The following PKNOX2 variants were observed in gnomAD, a reference collection of about 807,000 sequenced individuals.
PKNOX2 encodes the protein PBX/knotted 1 homeobox 2.
Under a neutral mutation model 53.1 loss-of-function variants are expected in PKNOX2, and 14 were observed. That is an observed-to-expected ratio of 0.26 (90% CI 0.17 to 0.41). The LOEUF (loss-of-function observed/expected upper bound fraction) is 0.41, where lower values mean the gene tolerates loss of function less well. Ranked by LOEUF, PKNOX2 falls within the 10% of genes least tolerant of loss-of-function variation. The pLI is 1.00. For synonymous variants in PKNOX2, 257 were observed against 242.8 expected, an observed-to-expected ratio of 1.06 and a Z score of -0.54; for missense variants, 496 against 602.8, an observed-to-expected ratio of 0.82 and a Z score of 1.85.
At chr11:125,341,304 C>T (rs554575307) in intron 3 of PKNOX2, among the ~76,000 whole-genome samples, 3 of 150,346 alleles carry the variant, frequency 2.0e-5, no homozygotes. Context: ...TGCAGTAAGC[C>T]GAGATCGTGC....
chr11:125,264,495 C>G (rs139238904), intron 2 of PKNOX2, among the ~76,000 whole-genome samples: 3 of 152,134 alleles, frequency 2.0e-5, no homozygotes, highest in Non-Finnish European at 4.4e-5. Flanking sequence ...CAGGACTGGA[C>G]GTTAGGGCTG....
chr11:125,329,058 T>C (rs74623053), intron 2 of PKNOX2, among the ~76,000 whole-genome samples: 6,257 of 152,292 alleles, frequency 0.041, 423 homozygotes, highest in African/African-American at 0.14. Flanking sequence ...AGAATAGTCA[T>C]TATGTGTTTA....
chr11:125,333,378 G>A (rs115140138), intron 3 of PKNOX2, among the ~76,000 whole-genome samples: 1 of 152,316 alleles, frequency 6.6e-6, no homozygotes, highest in African/African-American at 2.4e-5. Flanking sequence ...GAATGGAGGT[G>A]TTCCTGCCAT....
At chr11:125,314,867 A>G (rs1466135290) in intron 2 of PKNOX2, among the ~76,000 whole-genome samples, 1 of 152,140 alleles carries the variant, frequency 6.6e-6, no homozygotes, top group Admixed American at 6.5e-5. Context: ...TTAAGGGAAA[A>G]GGAGACTATT....
chr11:125,246,838 G>T (rs1943605523), intron 2 of PKNOX2, among the ~76,000 whole-genome samples: 1 of 152,100 alleles, frequency 6.6e-6, no homozygotes, highest in African/African-American at 2.4e-5. Flanking sequence ...GGGAGGCTGT[G>T]GAGATGAGGA....
At chr11:125,265,768 T>C (rs910706415) in intron 2 of PKNOX2, among the ~76,000 whole-genome samples, 5 of 152,138 alleles carry the variant, frequency 3.3e-5, no homozygotes, top group African/African-American at 1.2e-4. Context: ...GTAAGGGCTC[T>C]AGAGCAAGGA....
intron 2 of PKNOX2, among the ~76,000 whole-genome samples, chr11:125,241,592 C>T (rs962935071): frequency 6.6e-6 from 1 of 152,224 alleles, no homozygotes; most frequent in Admixed American, 6.5e-5. Flanking sequence ...CGCGGTGGCT[C>T]ACGCCTGTAA....
intron 2 of PKNOX2, among the ~76,000 whole-genome samples, chr11:125,242,377 T>C (rs2135607701): frequency 6.6e-6 from 1 of 152,304 alleles, no homozygotes; most frequent in South Asian, 2.1e-4. Flanking sequence ...CCATCCATCC[T>C]TACTGGAAGC....
intron 1 of PKNOX2, among the ~76,000 whole-genome samples, chr11:125,194,455 GT>G (rs1957065516): frequency 6.6e-6 from 1 of 152,090 alleles, no homozygotes; most frequent in Admixed American, 6.5e-5. Flanking sequence ...GTAGCTCCCA[GT>G]CCCCCACCCC....
rs573731004 is a variant in PKNOX2, at chr11:125,279,496, G to A, written c.-130+44381G>A. Among the ~76,000 whole-genome samples, 65 of 152,328 alleles carry A rather than the reference G, an allele frequency of 4.3e-4. No individual in the cohort carries two copies. In the South Asian group the frequency reaches 0.01, roughly 24 times the overall value. ...AGCACCAGAGTGAGAGCTTTACCCC[G>A]GCTGTGAACTCCCAGTCTGAAGCTG... On this transcript the variant is annotated intron_variant, in intron 2 of 12. Coordinates refer to ENST00000298282, the MANE Select transcript of PKNOX2 (RefSeq NM_001382323.2).
Position 125,385,533 on chromosome 11 carries a change from C to T in PKNOX2, c.228-18C>T. ...GTCTCTGTGTGTGCGCATGTGTGAG[C>T]TCTTGATGTCCCTGCAGGCACCCTC... On this transcript the variant is annotated intron_variant, in intron 5 of 12. Coordinates refer to ENST00000298282, the MANE Select transcript of PKNOX2 (RefSeq NM_001382323.2). 6.3e-7 allele frequency: 1 copy of T among 1,596,378 alleles called. No homozygotes were observed. Among genetic ancestry groups the T allele is most frequent in the South Asian group, 1.1e-5 (1 of 88,028 alleles).
At chr11:125,315,056 C>T (rs1010041030) in intron 2 of PKNOX2, among the ~76,000 whole-genome samples, 11 of 152,080 alleles carry the variant, frequency 7.2e-5, no homozygotes, top group East Asian at 1.9e-4. Context: ...AGGCCCTCTC[C>T]GGCCCTTGGT....
chr11:125,305,064 C>G (rs1948340591), intron 2 of PKNOX2, among the ~76,000 whole-genome samples: 1 of 152,156 alleles, frequency 6.6e-6, no homozygotes, highest in Non-Finnish European at 1.5e-5. Context: ...TGGATTCGAA[C>G]CCATCTGGCC....
intron 3 of PKNOX2, among the ~76,000 whole-genome samples, chr11:125,346,084 C>T (rs1396222440): frequency 3.3e-5 from 5 of 150,008 alleles, no homozygotes; most frequent in South Asian, 2.2e-4. Flanking sequence ...TGCAGCTTTT[C>T]GGTCCCTCCT....
At chr11:125,267,445 G>T (rs1479653139) in intron 2 of PKNOX2, among the ~76,000 whole-genome samples, 1 of 152,190 alleles carries the variant, frequency 6.6e-6, no homozygotes, top group Non-Finnish European at 1.5e-5. Context: ...CTCTTTCCTT[G>T]CCCTTTCAGT....
At chr11:125,178,565 C>CGAAGGAAGGAAG (rs1176892919) in intron 1 of PKNOX2, among the ~76,000 whole-genome samples, 10 of 60,366 alleles carry the variant, frequency 1.7e-4, no homozygotes, top group South Asian at 6.6e-4. Flanking sequence ...AAGGAAGGAA[C>CGAAGGAAGGAAG]GAAGGAAGGA....
At chr11:125,400,935 A>G (rs1442831114) in intron 7 of PKNOX2, among the ~76,000 whole-genome samples, 2 of 152,152 alleles carry the variant, frequency 1.3e-5, no homozygotes, top group African/African-American at 4.8e-5. Context: ...GCCTGCTGAT[A>G]GTCTCTTGAA....
intron 2 of PKNOX2, among the ~76,000 whole-genome samples, chr11:125,307,295 G>C (rs1948526038): frequency 6.6e-6 from 1 of 152,136 alleles, no homozygotes; most frequent in African/African-American, 2.4e-5. Context: ...ACAATAAAGG[G>C]AGCCTGGGTG....
intron 1 of PKNOX2, among the ~76,000 whole-genome samples, chr11:125,193,319 T>C (rs968645963): frequency 1.3e-5 from 2 of 152,208 alleles, no homozygotes; most frequent in Admixed American, 1.3e-4. Context: ...AAGCCCCCTC[T>C]CTACCGAGGA....
Sources: allele counts gnomAD v4.1 joint callset (sites outside exome capture counted in the v4.1 genomes callset), GRCh38; gene constraint gnomAD v4.1.1; transcripts MANE v1.5; gene names NCBI Gene and HGNC (gene_info 2026-07-23, HGNC 2026-07-21).